RSRC1: variants seen among roughly 807,000 people sequenced by gnomAD.
RSRC1 encodes arginine and serine rich coiled-coil 1, also known as serine/Arginine-related protein 53.
In RSRC1, 39 loss-of-function variants were observed where a neutral mutation model predicts 49.1. That is an observed-to-expected ratio of 0.79 (90% CI 0.61 to 1.04). The LOEUF (loss-of-function observed/expected upper bound fraction) is 1.04, where lower values mean the gene tolerates loss of function less well. Ranked by LOEUF, RSRC1 falls within the 50% of genes least tolerant of loss-of-function variation. RSRC1 has a pLI of 0.00. For missense variants in RSRC1, 388 were observed against 402.4 expected (o/e 0.96, Z 0.31); for synonymous variants, 143 against 130.8 (o/e 1.09, Z -0.63).
chr3:158,296,510 C>G (rs1307733598), intron 4 of RSRC1, among the ~76,000 whole-genome samples: 1 of 151,800 alleles, frequency 6.6e-6, no homozygotes, highest in African/African-American at 2.4e-5. Flanking sequence ...TATGTTAATA[C>G]TTTTTGGTTT....
At chr3:158,146,979 C>G (rs1203750238) in intron 3 of RSRC1, among the ~76,000 whole-genome samples, 1 of 151,910 alleles carries the variant, frequency 6.6e-6, no homozygotes, top group African/African-American at 2.4e-5. Flanking sequence ...TACACAGTAC[C>G]TAGATTGAAC....
chr3:158,146,531 C>G (rs995748539), intron 3 of RSRC1, among the ~76,000 whole-genome samples: 1 of 152,070 alleles, frequency 6.6e-6, no homozygotes, highest in Non-Finnish European at 1.5e-5. Context: ...TTCGGTTTGC[C>G]AGTATTTTAT....
At position 158,357,191 on chromosome 3, in the gene RSRC1, A is replaced by G. The variant is rs897059816; in HGVS notation, c.583+2283A>G. Reference sequence around the variant, plus strand: ...CACTGTAATGAACACCCTCTTATACATTGTGTTAGTCATATTCTATTTTAT... The same window carrying G: ...CACTGTAATGAACACCCTCTTATACGTTGTGTTAGTCATATTCTATTTTAT... On this transcript the variant is annotated intron_variant, in intron 6 of 9. Coordinates refer to ENST00000611884, the MANE Select transcript of RSRC1 (RefSeq NM_001271838.2). 5.9e-5 allele frequency among the ~76,000 whole-genome samples: 9 copies of G among 152,194 alleles called. 1 individual carries two copies. Among genetic ancestry groups the G allele is most frequent in the African/African-American group, 1.9e-4 (8 of 41,544 alleles).
At chr3:158,304,190 A>G (rs1421959776) in intron 5 of RSRC1, among the ~76,000 whole-genome samples, 1 of 152,182 alleles carries the variant, frequency 6.6e-6, no homozygotes, top group Admixed American at 6.5e-5. Flanking sequence ...TGTTTAGCCC[A>G]TCAGTGGTTT....
intron 5 of RSRC1, among the ~76,000 whole-genome samples, chr3:158,310,467 A>G (rs969789335): frequency 4.0e-5 from 6 of 151,822 alleles, no homozygotes; most frequent in South Asian, 2.1e-4. Context: ...TTCAAAAATT[A>G]ATTATGTTAT....
chr3:158,147,803 A>C (rs1379792684), intron 3 of RSRC1, among the ~76,000 whole-genome samples: 1 of 152,212 alleles, frequency 6.6e-6, no homozygotes, highest in Non-Finnish European at 1.5e-5. Flanking sequence ...CTCATATTAT[A>C]ATCTGGCTGT....
intron 7 of RSRC1, among the ~76,000 whole-genome samples, chr3:158,464,466 A>G (rs1166473614): frequency 6.6e-6 from 1 of 152,060 alleles, no homozygotes; most frequent in Admixed American, 6.6e-5. Flanking sequence ...TTTTGTTTCC[A>G]AAAGTGTTAG....
chr3:158,466,985 G>A (rs765139057), intron 7 of RSRC1, among the ~76,000 whole-genome samples: 35 of 152,174 alleles, frequency 2.3e-4, no homozygotes, highest in Non-Finnish European at 5.9e-5. Flanking sequence ...CTTGAGCCCA[G>A]AAGTTCGAGG....
intron 6 of RSRC1, among the ~76,000 whole-genome samples, chr3:158,382,634 G>C (rs1247550880): frequency 2.0e-5 from 3 of 152,140 alleles, no homozygotes; most frequent in African/African-American, 7.2e-5. Flanking sequence ...CCTACTTTAA[G>C]TTGCTTTCTC....
intron 5 of RSRC1, among the ~76,000 whole-genome samples, chr3:158,318,777 C>T (rs1045731148): frequency 6.6e-6 from 1 of 152,196 alleles, no homozygotes; most frequent in Non-Finnish European, 1.5e-5. Flanking sequence ...GTTTACATTA[C>T]ACATTCTGTT....
intron 6 of RSRC1, among the ~76,000 whole-genome samples, chr3:158,375,823 T>G (rs1320100715): frequency 1.3e-5 from 2 of 152,250 alleles, no homozygotes; most frequent in Non-Finnish European, 2.9e-5. Context: ...GTAATTTATT[T>G]AAAAAACAAT....
At chr3:158,259,480 A>G (rs1247950384) in intron 4 of RSRC1, among the ~76,000 whole-genome samples, 2 of 152,006 alleles carry the variant, frequency 1.3e-5, no homozygotes, top group African/African-American at 4.8e-5. Flanking sequence ...AAGGGTGACA[A>G]ACACCCTTCT....
chr3:158,514,975 T>C (rs141499873), intron 7 of RSRC1, among the ~76,000 whole-genome samples: 2 of 151,828 alleles, frequency 1.3e-5, no homozygotes, highest in Non-Finnish European at 2.9e-5. Flanking sequence ...GCTTGGTAGA[T>C]CTTCCTCCAT....
At chr3:158,241,563 A>C (rs1234075823) in intron 4 of RSRC1, among the ~76,000 whole-genome samples, 3 of 151,956 alleles carry the variant, frequency 2.0e-5, no homozygotes, top group African/African-American at 7.2e-5. Flanking sequence ...AATCCTGCAG[A>C]GCTTAAAATG....
chr3:158,469,154 A>G (rs1738018110), intron 7 of RSRC1, among the ~76,000 whole-genome samples: 1 of 152,258 alleles, frequency 6.6e-6, no homozygotes, highest in African/African-American at 2.4e-5. Flanking sequence ...CTTGATAATG[A>G]TAGTAACATA....
chr3:158,329,275 T>G (rs1442829337), intron 5 of RSRC1, among the ~76,000 whole-genome samples: 1 of 152,350 alleles, frequency 6.6e-6, no homozygotes. Context: ...TTCCATTACT[T>G]GCGAGGAGCT....
chr3:158,289,795 A>G (rs1011016702), intron 4 of RSRC1, among the ~76,000 whole-genome samples: 5 of 152,160 alleles, frequency 3.3e-5, no homozygotes, highest in African/African-American at 1.2e-4. Context: ...GCAAAAATAG[A>G]AATTATTTTT....
chr3:158,204,361 T>A (rs1442408742), intron 4 of RSRC1, among the ~76,000 whole-genome samples: 1 of 152,186 alleles, frequency 6.6e-6, no homozygotes, highest in African/African-American at 2.4e-5. Context: ...CATATTATTA[T>A]GTGACTTTTG....
intron 3 of RSRC1, among the ~76,000 whole-genome samples, chr3:158,186,537 A>G (rs1489242376): frequency 2.0e-5 from 3 of 151,998 alleles, no homozygotes; most frequent in Non-Finnish European, 4.4e-5. Flanking sequence ...GACCTTGATT[A>G]TCTGGTGTGA....
Sources: allele counts gnomAD v4.1 joint callset (sites outside exome capture counted in the v4.1 genomes callset), GRCh38; gene constraint gnomAD v4.1.1; transcripts MANE v1.5; gene names NCBI Gene and HGNC (gene_info 2026-07-23, HGNC 2026-07-21).